Variants in SMC2 observed in about 807,000 individuals in gnomAD.
SMC2 encodes structural maintenance of chromosomes 2, also known as structural maintenance of chromosomes protein 2.
A neutral mutation model predicts 142.6 loss-of-function variants in SMC2; 41 were observed. The ratio of observed to expected loss-of-function variants is 0.29; its 90% confidence interval spans 0.22 to 0.37. The LOEUF is 0.37. Among genes scored for constraint, SMC2 ranks in the 10% least tolerant of loss-of-function variants. SMC2 has a pLI of 1.00. For missense variants in SMC2, 1,265 were observed against 1,373.7 expected (o/e 0.92, Z 1.25); for synonymous variants, 463 against 457.5 (o/e 1.01, Z -0.15).
intron 3 of SMC2, among the ~76,000 whole-genome samples, chr9:104,097,520 A>G (rs1830588398): frequency 6.6e-6 from 1 of 151,372 alleles, no homozygotes; most frequent in African/African-American, 2.4e-5. Flanking sequence ...AAAAAAAAAA[A>G]AAAAAAGAAG....
At chr9:104,093,944 GA>G (rs1830165469), upstream of SMC2, among the ~76,000 whole-genome samples, 1 of 152,246 alleles carries the variant, frequency 6.6e-6, no homozygotes, top group South Asian at 2.1e-4. Context: ...TCGCTTTGAG[GA>G]GAGAAAAGTA....
intron 9 of SMC2, among the ~76,000 whole-genome samples, chr9:104,106,162 A>G (rs10125661): frequency 0.51 from 77,839 of 152,008 alleles, 20,700 homozygotes; most frequent in Non-Finnish European, 0.55. Context: ...TGGCCTGTGA[A>G]TAACAGGGTG....
chr9:104,100,815 T>C (rs1381804238), intron 7 of SMC2, among the ~76,000 whole-genome samples: 1 of 152,238 alleles, frequency 6.6e-6, no homozygotes, highest in African/African-American at 2.4e-5. Flanking sequence ...ACTATAATTA[T>C]TGCTATCAAG....
In SMC2 at chr9:104,126,637, A is replaced by C; in HGVS notation, c.2452-4A>C. 1 of 1,601,456 alleles carries C rather than the reference A, an allele frequency of 6.2e-7. No homozygotes were observed. The highest frequency in any genetic ancestry group is 8.5e-7 in the Non-Finnish European group (1 of 1,176,636). Reference sequence around the variant, plus strand: ...TGAATACCTGAATACTGTATTTTTTATAGGAAGTTGAAGCTATCACTCTGG... The same window carrying C: ...TGAATACCTGAATACTGTATTTTTTCTAGGAAGTTGAAGCTATCACTCTGG... On this transcript the variant is annotated splice_polypyrimidine_tract_variant and splice_region_variant and intron_variant, in intron 18 of 24. Coordinates refer to ENST00000374793, the MANE Select transcript of SMC2 (RefSeq NM_006444.3).
Position 104,124,705 on chromosome 9 carries a change from T to C in SMC2, c.2258-207T>C, listed in dbSNP as rs554041297. On this transcript the variant is annotated intron_variant, in intron 17 of 24. Transcript: ENST00000374793. ...AAGTTCAATTTCATAGCAAAAGAAA[T>C]TATTTTGTTACAGATCTTTAGATAA... Among the ~76,000 whole-genome samples, 298 of 152,226 alleles carry C rather than the reference T, an allele frequency of 2.0e-3. 1 individual carries two copies. Among genetic ancestry groups the C allele is most frequent in the African/African-American group, 6.8e-3 (283 of 41,542 alleles).
At chr9:104,125,220 G>C (rs1834130668) in intron 18 of SMC2, 115 bp downstream of exon 18, 3 of 748,548 alleles carry the variant, frequency 4.0e-6, no homozygotes, top group Non-Finnish European at 6.4e-6. Context: ...ATCTAAAAGG[G>C]AGCAGTGTTC....
At chr9:104,094,128 G>A, upstream of SMC2, 2 of 367,080 alleles carry the variant, frequency 5.4e-6, no homozygotes, top group Non-Finnish European at 9.7e-6. Context: ...TGCTCCTGTA[G>A]TGCCCAGGCC....
upstream of SMC2, chr9:104,092,097 T>C (rs550278029): frequency 6.6e-6 from 1 of 152,244 alleles, no homozygotes; most frequent in Non-Finnish European, 1.5e-5. Context: ...ACCTGTGTGA[T>C]CTCAGGAGGC....
chr9:104,120,379 G>A (rs1054990766), intron 16 of SMC2, among the ~76,000 whole-genome samples: 1 of 151,968 alleles, frequency 6.6e-6, no homozygotes, highest in African/African-American at 2.4e-5. Context: ...ATCTATTTAA[G>A]CAAAACAAAA....
chr9:104,131,597 G>A (rs1281905064), intron 21 of SMC2, among the ~76,000 whole-genome samples: 2 of 150,438 alleles, frequency 1.3e-5, no homozygotes, highest in Non-Finnish European at 3.0e-5. Context: ...TGCTAAGGCT[G>A]ACCTTAAGAG....
chr9:104,128,598 C>T (rs532913919), intron 20 of SMC2, among the ~76,000 whole-genome samples: 1 of 152,258 alleles, frequency 6.6e-6, no homozygotes, highest in African/African-American at 2.4e-5. Flanking sequence ...AAGGAAGATA[C>T]ACTAGAAATG....
At position 104,131,827 on chromosome 9, in the gene SMC2, ACAT is replaced by A. The variant is rs1182078513; in HGVS notation, c.2992-178_2992-176del. On this transcript the variant is annotated intron_variant, in intron 21 of 24. Coordinates refer to ENST00000374793, the MANE Select transcript of SMC2 (RefSeq NM_006444.3). ...TGTATATGAGTGTGTATATACACAC[ACAT>A]CATACAGTATATGTATAGTATATGA... Among the ~76,000 whole-genome samples, 4 of 152,188 alleles carry A rather than the reference ACAT, an allele frequency of 2.6e-5. No homozygotes were observed. In the East Asian group the frequency reaches 7.7e-4, roughly 29 times the overall value.
At position 104,102,457 on chromosome 9, in the gene SMC2, G is replaced by T. The variant is rs764814020; in HGVS notation, c.904G>T (p.Ala302Ser). Reference protein sequence around the residue: ...TGGILRSLEDALAEAQRVNTK... With the variant: ...TGGILRSLEDSLAEAQRVNTK... ...AGGTATACTTCGATCTTTAGAAGAT[G>T]CTCTTGCAGAGGCTCAGCGAGTTAA... The change falls in exon 9 of 25, where the codon GCT becomes TCT. Residue 302 changes from alanine to serine, a missense_variant. Coordinates refer to ENST00000374793, the MANE Select transcript of SMC2 (RefSeq NM_006444.3). 42 of 1,610,888 alleles carry T rather than the reference G, an allele frequency of 2.6e-5. No individual in the cohort carries two copies. The highest frequency in any genetic ancestry group is 3.6e-5 in the Non-Finnish European group (42 of 1,178,850).
intron 4 of SMC2, 52 bp from the exon 5 acceptor site, chr9:104,099,592 T>G: frequency 8.4e-7 from 1 of 1,185,696 alleles, no homozygotes. Context: ...GCAGTACAGA[T>G]AAACATTTTC....
chr9:104,102,671 T>A, intron 9 of SMC2, 98 bp downstream of exon 9: 2 of 1,265,680 alleles, frequency 1.6e-6, no homozygotes, highest in Non-Finnish European at 2.1e-6. Context: ...GTGAGTGTCT[T>A]CTATAAGCTA....
rs1048544676 is a variant in SMC2, at chr9:104,139,580, G to T, written c.*265G>T. 24 of 269,890 alleles carry T rather than the reference G, an allele frequency of 8.9e-5. No individual in the cohort carries two copies. Among genetic ancestry groups the T allele is most frequent in the African/African-American group, 4.7e-4 (21 of 44,694 alleles). 16.7% of individuals were successfully genotyped at this position (269,890 alleles called of 1,614,324 possible). On this transcript the variant is annotated 3_prime_UTR_variant, in exon 25 of 25. Coordinates refer to ENST00000374793, the MANE Select transcript of SMC2 (RefSeq NM_006444.3). ...TTATGCGGGTCTTTTATATATTAGG[G>T]ATCCTGAGATACCCGATTCTATATG...
upstream of SMC2, among the ~76,000 whole-genome samples, chr9:104,090,589 A>G (rs943550004): frequency 6.6e-6 from 1 of 152,218 alleles, no homozygotes; most frequent in Non-Finnish European, 1.5e-5. Flanking sequence ...CAATATTTGC[A>G]TAATTCAGGA....
chr9:104,114,121 C>A, intron 12 of SMC2, 40 bp downstream of exon 12: 3 of 1,205,224 alleles, frequency 2.5e-6, no homozygotes, highest in South Asian at 2.9e-5. Flanking sequence ...TAGTAATAAT[C>A]AAGACATTTT....
At chr9:104,095,777 G>A (rs1039411649) in intron 2 of SMC2, among the ~76,000 whole-genome samples, 2 of 152,226 alleles carry the variant, frequency 1.3e-5, no homozygotes, top group African/African-American at 4.8e-5. Flanking sequence ...CATTCTGACT[G>A]TAAAGCAGTC....
Sources: gnomAD v4.1 joint callset for allele counts (sites outside exome capture counted in the v4.1 genomes callset) on GRCh38, gnomAD v4.1.1 for gene constraint, MANE v1.5 for transcripts, NCBI Gene and HGNC (gene_info 2026-07-23, HGNC 2026-07-21) for gene names.